The following SCHIP1 variants were observed in gnomAD, a reference collection of about 807,000 sequenced individuals.
SCHIP1 encodes schwannomin interacting protein 1, also known as schwannomin-interacting protein 1.
SCHIP1 carries 8 observed loss-of-function variants against 29.7 expected under a neutral mutation model. That is an observed-to-expected ratio of 0.27 (90% CI 0.16 to 0.49). The LOEUF (loss-of-function observed/expected upper bound fraction) is 0.49, where lower values mean the gene tolerates loss of function less well. Ranked by LOEUF, SCHIP1 falls within the 20% of genes least tolerant of loss-of-function variation. The pLI is 0.99. For synonymous variants in SCHIP1, 76 were observed against 94.9 expected, an observed-to-expected ratio of 0.80 and a Z score of 1.16; for missense variants, 193 against 294.6, an observed-to-expected ratio of 0.66 and a Z score of 2.52.
chr3:159,525,039 T>C, the SCHIP1 span, among the ~76,000 whole-genome samples: 1 of 152,192 alleles, frequency 6.6e-6, no homozygotes. Flanking sequence ...GCAGTTTCTT[T>C]TCTCTACTGG....
chr3:159,750,282 TATATATATATATATACAC>T, the SCHIP1 span, among the ~76,000 whole-genome samples: 342 of 30,688 alleles, frequency 0.011, 4 homozygotes, highest in African/African-American at 0.023. Flanking sequence ...TATATATATA[TATATATATATATATACAC>T]ACACACACAC....
the SCHIP1 span, among the ~76,000 whole-genome samples, chr3:159,328,944 A>G: frequency 6.6e-6 from 1 of 152,292 alleles, no homozygotes; most frequent in African/African-American, 2.4e-5. Flanking sequence ...TCTCCATCTC[A>G]TAGGAATGAT....
chr3:159,455,170 T>C, the SCHIP1 span, among the ~76,000 whole-genome samples: 24 of 152,296 alleles, frequency 1.6e-4, no homozygotes, highest in African/African-American at 5.5e-4. Context: ...TGTAATTTCT[T>C]GGGGAGGGCA....
chr3:159,588,140 T>G, the SCHIP1 span, among the ~76,000 whole-genome samples: 85 of 152,192 alleles, frequency 5.6e-4, 2 homozygotes, highest in African/African-American at 1.4e-3. Flanking sequence ...GTTGTTTCCT[T>G]ACTTTTTAAT....
At chr3:159,533,632 C>T in the SCHIP1 span, among the ~76,000 whole-genome samples, 8 of 152,104 alleles carry the variant, frequency 5.3e-5, no homozygotes, top group African/African-American at 1.9e-4. Context: ...GTCTGCCCCC[C>T]CACATCTCTG....
At chr3:159,697,545 C>T in the SCHIP1 span, among the ~76,000 whole-genome samples, 2 of 152,132 alleles carry the variant, frequency 1.3e-5, no homozygotes, top group Non-Finnish European at 2.9e-5. Flanking sequence ...GTTTCTGGAA[C>T]AGAGTAGGTG....
chr3:159,313,704 C>A, the SCHIP1 span, among the ~76,000 whole-genome samples: 56 of 152,196 alleles, frequency 3.7e-4, no homozygotes, highest in African/African-American at 1.2e-3. Context: ...TCATTTAGAT[C>A]ATTATTTTTC....
chr3:159,889,388 G>A (rs1203152163), intron 5 of SCHIP1, among the ~76,000 whole-genome samples: 4 of 152,190 alleles, frequency 2.6e-5, no homozygotes, highest in Admixed American at 2.6e-4. Flanking sequence ...ACCAATATGT[G>A]AAAATTACAG....
chr3:159,409,548 A>G, the SCHIP1 span, among the ~76,000 whole-genome samples: 1 of 152,142 alleles, frequency 6.6e-6, no homozygotes, highest in Non-Finnish European at 1.5e-5. Flanking sequence ...CTATGAATAA[A>G]ATAAAATACC....
chr3:159,320,867 A>AT, the SCHIP1 span, among the ~76,000 whole-genome samples: 6 of 151,136 alleles, frequency 4.0e-5, no homozygotes, highest in Non-Finnish European at 8.8e-5. Flanking sequence ...AAAAAAAAAA[A>AT]GGTGGTATCA....
chr3:159,888,637 C>T (rs372760717), intron 4 of SCHIP1, 183 bp from the exon 6 acceptor site: 1 of 684,926 alleles, frequency 1.5e-6, no homozygotes, highest in East Asian at 3.3e-5. Context: ...ATGCCAGTTG[C>T]ATATTAGGTA....
At chr3:159,438,446 G>A in the SCHIP1 span, among the ~76,000 whole-genome samples, 1 of 152,142 alleles carries the variant, frequency 6.6e-6, no homozygotes, top group Admixed American at 6.6e-5. Flanking sequence ...AGACCGGACA[G>A]AAGGAAATGG....
At chr3:159,712,858 AAGAG>A in the SCHIP1 span, among the ~76,000 whole-genome samples, 2 of 149,838 alleles carry the variant, frequency 1.3e-5, no homozygotes, top group Non-Finnish European at 3.0e-5. Flanking sequence ...GAGAGAGAGA[AAGAG>A]AGAGAGAAAG....
chr3:159,512,258 G>T, the SCHIP1 span, among the ~76,000 whole-genome samples: 1 of 152,178 alleles, frequency 6.6e-6, no homozygotes, highest in South Asian at 2.1e-4. Context: ...TGCTAACTTC[G>T]TTCATCGGGG....
chr3:159,841,375 C>T (rs1391763605), intron 1 of SCHIP1, among the ~76,000 whole-genome samples: 2 of 152,010 alleles, frequency 1.3e-5, no homozygotes, highest in Admixed American at 6.6e-5. Context: ...AAATATTGAG[C>T]GTCATGCTTC....
At chr3:159,554,026 A>G in the SCHIP1 span, among the ~76,000 whole-genome samples, 4,087 of 106,836 alleles carry the variant, frequency 0.038, 9 homozygotes, top group South Asian at 0.049. Context: ...GTGTTTGTGT[A>G]TGTGTGTGTG....
chr3:159,384,361 G>A, the SCHIP1 span, among the ~76,000 whole-genome samples: 4 of 152,080 alleles, frequency 2.6e-5, no homozygotes, highest in Non-Finnish European at 4.4e-5. Flanking sequence ...CATCTATTGA[G>A]ATAATTATGT....
At chr3:159,677,602 T>C in the SCHIP1 span, among the ~76,000 whole-genome samples, 3 of 152,348 alleles carry the variant, frequency 2.0e-5, no homozygotes, top group East Asian at 5.8e-4. Flanking sequence ...AGTAGCTTAA[T>C]TGAAAACTTC....
the SCHIP1 span, among the ~76,000 whole-genome samples, chr3:159,598,443 A>G: frequency 6.6e-6 from 1 of 152,216 alleles, no homozygotes; most frequent in African/African-American, 2.4e-5. Context: ...GTTGGCCAAA[A>G]CAAAGGGGCT....
Sources: allele counts gnomAD v4.1 joint callset (sites outside exome capture counted in the v4.1 genomes callset), GRCh38; gene constraint gnomAD v4.1.1; transcripts MANE v1.5; gene names NCBI Gene and HGNC (gene_info 2026-07-23, HGNC 2026-07-21).